The following SETX variants were observed in gnomAD, a reference collection of about 807,000 sequenced individuals.
The protein encoded by SETX is senataxin.
SETX carries 90 observed loss-of-function variants against 227.2 expected under a neutral mutation model. That is an observed-to-expected ratio of 0.40 (90% confidence interval 0.33 to 0.47). The LOEUF (loss-of-function observed/expected upper bound fraction) is 0.47, where lower values mean the gene tolerates loss of function less well. Among genes scored for constraint, SETX ranks in the 20% least tolerant of loss-of-function variants. The probability of loss-of-function intolerance (pLI) is 0.91; values close to 1 mark genes in which losing one functional copy is unlikely to be tolerated. For missense variants in SETX, 3,052 were observed against 3,181.5 expected, an observed-to-expected ratio of 0.96 and a Z score of 0.98; for synonymous variants, 1,210 against 1,113.2, an observed-to-expected ratio of 1.09 and a Z score of -1.73.
At chr9:132,292,453 C>G (rs1361887509) in intron 15 of SETX, among the ~76,000 whole-genome samples, 1 of 145,366 alleles carries the variant, frequency 6.9e-6, no homozygotes, top group Non-Finnish European at 1.5e-5. Flanking sequence ...CATGATTAGA[C>G]TTATAATCAT....
chr9:132,356,105 G>C (rs1004662251), upstream of SETX, among the ~76,000 whole-genome samples: 6 of 151,876 alleles, frequency 4.0e-5, no homozygotes, highest in African/African-American at 1.5e-4. Flanking sequence ...AGCCGTGACT[G>C]TGCCACTACA....
chr9:132,314,044 G>A (rs573036832), intron 10 of SETX, among the ~76,000 whole-genome samples: 7 of 151,980 alleles, frequency 4.6e-5, no homozygotes, highest in African/African-American at 1.4e-4. Context: ...CGATTCTCCC[G>A]CCTCCGCCTC....
chr9:132,294,868 C>A (rs1169268581), intron 15 of SETX, among the ~76,000 whole-genome samples: 1 of 152,118 alleles, frequency 6.6e-6, no homozygotes, highest in Non-Finnish European at 1.5e-5. Flanking sequence ...GACTCTGGTA[C>A]CAGTTCTGAA....
At chr9:132,274,911 T>C (rs563265425) in intron 23 of SETX, 1 of 271,390 alleles carries the variant, frequency 3.7e-6, no homozygotes, top group East Asian at 8.5e-5. Context: ...ATAAAGGCAA[T>C]ACAAGGGTTA....
In SETX at chr9:132,330,454, T is replaced by C. The variant is rs2131463503; in HGVS notation, c.1144A>G (p.Met382Val). ...TAICPDYCPN[M>V]YEEMETLASV... The stretch of plus-strand genomic sequence containing the variant: ...GCTAATGTTTCCATTTCTTCATACA[T>C]GTTAGGACAATAATCTGGGCAAATG... Residue 382 changes from methionine (M) to valine (V), a missense_variant, in exon 10 of 26, where the codon ATG (methionine) becomes GTG (valine). By Grantham distance (21) the Met-to-Val change is conservative (BLOSUM62 1). This residue lies in a region of SETX where 39 missense variants were observed against 84.8 expected (regional missense o/e 0.46). Coordinates refer to ENST00000224140, the MANE Select transcript of SETX (RefSeq NM_015046.7). 1.2e-6 allele frequency: 2 copies of C among 1,613,976 alleles called. No individual in the cohort carries two copies. Among genetic ancestry groups the C allele is most frequent in the Non-Finnish European group, 1.7e-6 (2 of 1,179,990 alleles).
At chr9:132,317,621 G>T (rs373109395) in intron 10 of SETX, among the ~76,000 whole-genome samples, 1 of 150,418 alleles carries the variant, frequency 6.6e-6, no homozygotes, top group East Asian at 1.9e-4. Flanking sequence ...TTTGTTTGCC[G>T]TATCATTTTC....
intron 21 of SETX, among the ~76,000 whole-genome samples, chr9:132,277,599 C>T (rs758263224): frequency 1.3e-5 from 2 of 151,920 alleles, no homozygotes; most frequent in East Asian, 1.9e-4. Context: ...GGCAACATAG[C>T]GAAACCCCGT....
At chr9:132,346,801 T>C (rs552804310) in intron 3 of SETX, among the ~76,000 whole-genome samples, 6 of 125,438 alleles carry the variant, frequency 4.8e-5, no homozygotes, top group South Asian at 2.5e-4. Flanking sequence ...AAAAAAAAAA[T>C]AGAAAAATTA....
chr9:132,291,643 G>C (rs1210615286), intron 15 of SETX, among the ~76,000 whole-genome samples: 3 of 152,166 alleles, frequency 2.0e-5, no homozygotes, highest in African/African-American at 7.2e-5. Flanking sequence ...CAGAGAGAGA[G>C]CTGAAAACCA....
At chr9:132,307,314 T>C (rs2131336933) in intron 11 of SETX, among the ~76,000 whole-genome samples, 1 of 150,860 alleles carries the variant, frequency 6.6e-6, no homozygotes, top group African/African-American at 2.5e-5. Flanking sequence ...GTCTATTTAG[T>C]TTGATATTAA....
intron 2 of SETX, among the ~76,000 whole-genome samples, chr9:132,351,392 AC>A (rs1848596156): frequency 6.6e-6 from 1 of 152,268 alleles, no homozygotes; most frequent in South Asian, 2.1e-4. Context: ...TAAAATAAGT[AC>A]TAACAAAGGA....
intron 10 of SETX, among the ~76,000 whole-genome samples, chr9:132,317,889 C>T (rs1355931777): frequency 6.6e-6 from 1 of 152,092 alleles, no homozygotes; most frequent in East Asian, 1.9e-4. Context: ...TATGTATACA[C>T]TTATTCAGTT....
At chr9:132,319,149 T>C (rs1846178210) in intron 10 of SETX, among the ~76,000 whole-genome samples, 1 of 152,202 alleles carries the variant, frequency 6.6e-6, no homozygotes, top group African/African-American at 2.4e-5. Context: ...ATCAGTTCTA[T>C]CACCAAGTCT....
In SETX at chr9:132,269,682, C is replaced by T. The variant is rs1842802654; in HGVS notation, c.7220G>A (p.Arg2407Lys). Residue 2407 changes from arginine to lysine, a missense_variant, in exon 25 of 26, where the codon AGA becomes AAA. Arg to Lys is a conservative substitution (Grantham distance 26, BLOSUM62 2). Around this residue, in one of 10 missense-constraint regions of SETX, gnomAD observed 412 missense variants for 589.0 expected, o/e 0.70. Coordinates refer to ENST00000224140, the MANE Select transcript of SETX (RefSeq NM_015046.7). ...GGCTCGTGTGATGGTGACATTCAAT[C>T]TCTGCAAACTTGCCAGGAATCTAGG... The part of the protein sequence containing the change: ...GSIGFLASLQ[R>K]LNVTITRAKY... 1 of 1,614,078 alleles carries T rather than the reference C, an allele frequency of 6.2e-7. No homozygotes were observed. The highest frequency in any genetic ancestry group is 8.5e-7 in the Non-Finnish European group (1 of 1,180,006).
At position 132,333,430 on chromosome 9, in the gene SETX, C is replaced by T. The variant is rs1235069869; in HGVS notation, c.838+1178G>A. ...AAAAATATATATACACACACACACACACACACACACACACACACACACACA... is the reference window on the plus strand; with the variant it reads ...AAAAATATATATACACACACACACATACACACACACACACACACACACACA... On this transcript the variant is annotated intron_variant, in intron 7 of 25. Transcript: ENST00000224140. Among the ~76,000 whole-genome samples the T allele has an allele frequency of 3.7e-3, 499 of 135,678 alleles. 9 individuals carry two copies. Among genetic ancestry groups the T allele is most frequent in the African/African-American group, 9.0e-3 (318 of 35,162 alleles). 89.0% of individuals were successfully genotyped at this position (135,678 alleles called of 152,430 possible).
Position 132,329,968 on chromosome 9 carries a change from T to C in SETX, c.1630A>G (p.Lys544Glu). The C allele has an allele frequency of 6.2e-7, 1 of 1,614,192 alleles. No individual in the cohort carries two copies. The highest frequency in any genetic ancestry group is 8.5e-7 in the Non-Finnish European group (1 of 1,179,998). ...AYVQLIRSLL[K>E]EGYQLGQQSL... is the part of the protein sequence containing the mutation. ...TGCTGCCCAAGCTGATAACCTTCTT[T>C]AAGGAGACTTCTAATCAGCTGCACA... Residue 544 changes from lysine to glutamate, a missense_variant, in exon 10 of 26, where the codon AAA becomes GAA. Transcript: ENST00000224140.
intron 11 of SETX, among the ~76,000 whole-genome samples, chr9:132,303,891 G>A (rs541649852): frequency 6.6e-6 from 1 of 152,314 alleles, no homozygotes; most frequent in South Asian, 2.1e-4. Flanking sequence ...GGAGGCCGAG[G>A]CGGGTGGTTC....
intron 5 of SETX, among the ~76,000 whole-genome samples, chr9:132,338,384 C>T (rs1361034822): frequency 6.6e-6 from 1 of 152,142 alleles, no homozygotes. Flanking sequence ...AGCCACCGTG[C>T]CCAGCCTCAC....
chr9:132,349,289 T>C lies in SETX; in HGVS notation c.140A>G (p.Tyr47Cys). 6.2e-7 allele frequency: 1 copy of C among 1,614,134 alleles called. No individual in the cohort carries two copies. The highest frequency in any genetic ancestry group is 8.5e-7 in the Non-Finnish European group (1 of 1,180,028). The change falls in exon 3 of 26, where the codon TAC (tyrosine) becomes TGC (cysteine). Residue 47 changes from tyrosine (Y) to cysteine (C), a missense_variant. By Grantham distance (194) the Tyr-to-Cys change is radical. Transcript: ENST00000224140. ...TGGCAATTCATCTCTTGCTTTGTGGTACTCAGCCACACACTCCAAGCAGTA... is the reference window on the plus strand; with the variant it reads ...TGGCAATTCATCTCTTGCTTTGTGGCACTCAGCCACACACTCCAAGCAGTA... ...LCYCLECVAEYHKARDELPFL... is the reference protein window; with the variant it reads ...LCYCLECVAECHKARDELPFL...
Sources: gnomAD v4.1 joint callset for allele counts (sites outside exome capture counted in the v4.1 genomes callset) on GRCh38, gnomAD v4.1.1 for gene constraint, gnomAD v4.1.1 regional missense constraint, MANE v1.5 for transcripts, NCBI Gene and HGNC (gene_info 2026-07-23, HGNC 2026-07-21) for gene names.